PCDH9: variants seen among roughly 807,000 people sequenced by gnomAD.
PCDH9 encodes protocadherin 9, also known as protocadherin-9.
A neutral mutation model predicts 70.6 loss-of-function variants in PCDH9; 24 were observed. That is an observed-to-expected ratio of 0.34 (90% CI 0.25 to 0.48). The LOEUF (loss-of-function observed/expected upper bound fraction) is 0.48, where lower values mean the gene tolerates loss of function less well. Ranked by LOEUF, PCDH9 falls within the 20% of genes least tolerant of loss-of-function variation. The pLI, the probability that PCDH9 is intolerant of heterozygous loss-of-function variation, is 0.99. For synonymous variants in PCDH9, 562 were observed against 558.5 expected (o/e 1.01, Z -0.09); for missense variants, 1,281 against 1,503.6 (o/e 0.85, Z 2.45).
At chr13:67,202,969 C>G (rs2089253546) in intron 2 of PCDH9, 1 of 151,954 alleles carries the variant, frequency 6.6e-6, no homozygotes, top group South Asian at 2.1e-4. Context: ...TTATTTCTTG[C>G]CCTGCGAAAT....
chr13:66,985,107 C>T lies in PCDH9; in HGVS notation c.3037-81502G>A, dbSNP rs185854033. 3.3e-5 allele frequency among the ~76,000 whole-genome samples: 5 copies of T among 152,208 alleles called. No individual in the cohort carries two copies. The East Asian group carries it at 9.7e-4, about 29-fold the overall frequency. On this transcript the variant is annotated intron_variant, in intron 2 of 4. Coordinates refer to ENST00000377865, the MANE Select transcript of PCDH9 (RefSeq NM_203487.3). ...CTCCATTAAATTGTACCTCACTGGCCTAGCCATCACTGTCTGTTATAGTCT... is the reference window on the plus strand; with the variant it reads ...CTCCATTAAATTGTACCTCACTGGCTTAGCCATCACTGTCTGTTATAGTCT...
intron 3 of PCDH9, among the ~76,000 whole-genome samples, chr13:66,801,857 A>G (rs1367613465): frequency 6.6e-6 from 1 of 152,088 alleles, no homozygotes; most frequent in Admixed American, 6.6e-5. Flanking sequence ...TCTTTCTACA[A>G]ATAATATAAA....
intron 4 of PCDH9, among the ~76,000 whole-genome samples, chr13:66,523,954 T>A (rs1012829327): frequency 1.3e-5 from 2 of 152,058 alleles, no homozygotes. Flanking sequence ...AGTGAAGGCA[T>A]GATCGATATT....
chr13:67,078,041 C>T (rs770505284), intron 2 of PCDH9, among the ~76,000 whole-genome samples: 1 of 152,146 alleles, frequency 6.6e-6, no homozygotes, highest in Non-Finnish European at 1.5e-5. Context: ...ATATTCTACA[C>T]GTTCCAGCCA....
intron 3 of PCDH9, among the ~76,000 whole-genome samples, chr13:66,660,507 T>C (rs914765094): frequency 3.9e-5 from 6 of 152,240 alleles, no homozygotes; most frequent in African/African-American, 1.4e-4. Flanking sequence ...CAATACAATG[T>C]TAATAATCTT....
chr13:66,789,665 A>T (rs760697148), intron 3 of PCDH9, among the ~76,000 whole-genome samples: 1 of 152,158 alleles, frequency 6.6e-6, no homozygotes, highest in Non-Finnish European at 1.5e-5. Flanking sequence ...ACTTCCTCTC[A>T]GCACTGTGTA....
chr13:67,154,389 G>A (rs1386346728), intron 2 of PCDH9, among the ~76,000 whole-genome samples: 1 of 151,780 alleles, frequency 6.6e-6, no homozygotes, highest in Non-Finnish European at 1.5e-5. Flanking sequence ...GATCGCCTGG[G>A]CAACATGGCA....
chr13:66,802,969 A>G (rs1268651704), intron 3 of PCDH9, among the ~76,000 whole-genome samples: 1 of 152,170 alleles, frequency 6.6e-6, no homozygotes, highest in Admixed American at 6.5e-5. Context: ...TTGGCAGTCA[A>G]GTAATAAAGC....
At chr13:66,413,883 G>A in intron 4 of PCDH9, among the ~76,000 whole-genome samples, 1 of 151,964 alleles carries the variant, frequency 6.6e-6, no homozygotes, top group South Asian at 2.1e-4. Context: ...TAAGCACTAT[G>A]GCCAAAGCAG....
At chr13:67,039,545 TCA>T (rs2139903483) in intron 2 of PCDH9, among the ~76,000 whole-genome samples, 1 of 152,248 alleles carries the variant, frequency 6.6e-6, no homozygotes, top group East Asian at 1.9e-4. Flanking sequence ...ACCAGTTGAC[TCA>T]CAATACACCT....
chr13:66,683,899 T>C (rs889320238), intron 3 of PCDH9, among the ~76,000 whole-genome samples: 1 of 152,182 alleles, frequency 6.6e-6, no homozygotes, highest in South Asian at 2.1e-4. Context: ...TAGTGATATA[T>C]CCAGTGTACT....
chr13:66,631,850 A>G (rs2077575870), intron 3 of PCDH9, among the ~76,000 whole-genome samples: 1 of 152,132 alleles, frequency 6.6e-6, no homozygotes, highest in African/African-American at 2.4e-5. Flanking sequence ...TTAGGGTAAC[A>G]TTTGTAGTCA....
chr13:66,460,053 C>G (rs1958394674), intron 4 of PCDH9, among the ~76,000 whole-genome samples: 1 of 152,006 alleles, frequency 6.6e-6, no homozygotes, highest in East Asian at 1.9e-4. Flanking sequence ...TTTGAAAACT[C>G]AGTAGTGTCA....
chr13:66,330,012 T>C (rs1452649204), intron 4 of PCDH9, among the ~76,000 whole-genome samples: 1 of 152,202 alleles, frequency 6.6e-6, no homozygotes, highest in Non-Finnish European at 1.5e-5. Flanking sequence ...AAACTGCATC[T>C]TTTCAGTGCT....
At chr13:67,194,491 C>G (rs538483423) in intron 2 of PCDH9, among the ~76,000 whole-genome samples, 4 of 151,936 alleles carry the variant, frequency 2.6e-5, no homozygotes, top group Non-Finnish European at 4.4e-5. Flanking sequence ...GAGAATAAAA[C>G]TAGCTTAATA....
rs1446133070 is a variant in PCDH9, at chr13:67,227,371, T to C, written c.1070A>G (p.Asn357Ser). 1.2e-6 allele frequency: 2 copies of C among 1,613,934 alleles called. No homozygotes were observed. Among genetic ancestry groups the C allele is most frequent in the Non-Finnish European group, 1.7e-6 (2 of 1,179,828 alleles). The part of the protein sequence containing the change: ...NVTDVNDNPP[N>S]IDLRYIISPI... ...ACTTATAATGTACCTGAGGTCTATA[T>C]TAGGAGGGTTATCATTTACATCGGT... is the stretch of plus-strand genomic sequence containing the variant. Residue 357 changes from asparagine to serine, a missense_variant, in exon 2 of 5, where the codon AAT becomes AGT. This residue lies in a region of PCDH9 where 798 missense variants were observed against 1,003.1 expected (regional missense o/e 0.80). Coordinates refer to ENST00000377865, the MANE Select transcript of PCDH9 (RefSeq NM_203487.3). The surrounding 1 kb of genome is among the most constrained non-coding windows in gnomAD (Gnocchi z 4.6).
intron 2 of PCDH9, among the ~76,000 whole-genome samples, chr13:67,032,540 T>C (rs1444375191): frequency 1.3e-5 from 2 of 152,194 alleles, no homozygotes; most frequent in Non-Finnish European, 2.9e-5. Context: ...TTTGCATTTA[T>C]GTAAAAATTC....
chr13:66,978,362 T>C lies in PCDH9; in HGVS notation c.3037-74757A>G, dbSNP rs543246095. 3 of 152,156 alleles carry C rather than the reference T, an allele frequency of 2.0e-5. No homozygotes were observed. In the East Asian group the frequency reaches 5.8e-4, roughly 29 times the overall value. The allele number at this position is 152,156 out of a possible 1,614,324, so 9.4% of individuals were successfully genotyped here. On this transcript the variant is annotated intron_variant, in intron 2 of 4. Transcript: ENST00000377865. ...AAAAAAAAACAAACACTGATTTTTC[T>C]CCTTGCTTAGGATTATCCATCTGCA...
chr13:66,888,327 T>C (rs2082041697), intron 3 of PCDH9, among the ~76,000 whole-genome samples: 1 of 151,662 alleles, frequency 6.6e-6, no homozygotes, highest in Non-Finnish European at 1.5e-5. Flanking sequence ...AGGCTTCATC[T>C]CTGCAAAAAA....
Sources: gnomAD v4.1 joint callset for allele counts (sites outside exome capture counted in the v4.1 genomes callset) on GRCh38, gnomAD v4.1.1 for gene constraint, gnomAD v4.1.1 regional missense constraint, Gnocchi (gnomAD v3.1) non-coding constraint, MANE v1.5 for transcripts, NCBI Gene and HGNC (gene_info 2026-07-23, HGNC 2026-07-21) for gene names.